MPRIP: variants seen among roughly 807,000 people sequenced by gnomAD.
The protein encoded by MPRIP is myosin phosphatase Rho-interacting protein.
Under a neutral mutation model 234.9 loss-of-function variants are expected in MPRIP, and 59 were observed. That is an observed-to-expected ratio of 0.25 (90% CI 0.20 to 0.31). The LOEUF is 0.31. Ranked by LOEUF, MPRIP falls within the 10% of genes least tolerant of loss-of-function variation. The pLI, the probability that MPRIP is intolerant of heterozygous loss-of-function variation, is 1.00. For synonymous variants in MPRIP, 1,144 were observed against 1,263.9 expected (o/e 0.91, Z 2.01); for missense variants, 2,436 against 3,071.0 (o/e 0.79, Z 4.89).
chr17:17,149,660 T>G (rs1323153746), intron 11 of MPRIP: 2 of 149,498 alleles, frequency 1.3e-5, no homozygotes, highest in Non-Finnish European at 3.0e-5. Flanking sequence ...TATTTTATTC[T>G]CAAATGAACA....
intron 3 of MPRIP, among the ~76,000 whole-genome samples, chr17:17,083,518 T>C (rs896869529): frequency 3.3e-5 from 5 of 152,196 alleles, no homozygotes; most frequent in Admixed American, 2.0e-4. Context: ...CAACGTTGCC[T>C]AGGCCTGTGA....
At chr17:17,155,231 G>A (rs760752194) in intron 13 of MPRIP, among the ~76,000 whole-genome samples, 8 of 151,910 alleles carry the variant, frequency 5.3e-5, no homozygotes, top group Non-Finnish European at 1.2e-4. Flanking sequence ...GGCTGTCCAT[G>A]GAAGCTTTGA....
intron 1 of MPRIP, among the ~76,000 whole-genome samples, chr17:17,046,581 G>A (rs1293655119): frequency 6.6e-6 from 1 of 152,070 alleles, no homozygotes; most frequent in Non-Finnish European, 1.5e-5. Flanking sequence ...ATGAAGTTGA[G>A]CCTTTTTTAT....
intron 1 of MPRIP, among the ~76,000 whole-genome samples, chr17:17,058,289 CA>C (rs1325557338): frequency 6.6e-6 from 1 of 152,002 alleles, no homozygotes; most frequent in South Asian, 2.1e-4. Flanking sequence ...TTCTAGGGGC[CA>C]GGGGGAGCAG....
At chr17:17,151,279 C>T (rs1229755390) in intron 12 of MPRIP, among the ~76,000 whole-genome samples, 1 of 152,140 alleles carries the variant, frequency 6.6e-6, no homozygotes, top group Non-Finnish European at 1.5e-5. Flanking sequence ...ACTGTCTTTA[C>T]AATGAGTTTT....
At chr17:17,110,864 G>C (rs1195813298) in intron 3 of MPRIP, among the ~76,000 whole-genome samples, 1 of 152,192 alleles carries the variant, frequency 6.6e-6, no homozygotes, top group Non-Finnish European at 1.5e-5. Flanking sequence ...AGCCTCAGGG[G>C]ACAGGACACT....
chr17:17,140,480 G>T (rs1325538342), intron 7 of MPRIP, among the ~76,000 whole-genome samples: 1 of 152,130 alleles, frequency 6.6e-6, no homozygotes, highest in Non-Finnish European at 1.5e-5. Context: ...TCTGAGGCCT[G>T]CTCACTGGAT....
At chr17:17,181,208 TAAAAC>T (rs1407112045) in intron 23 of MPRIP, among the ~76,000 whole-genome samples, 8 of 151,642 alleles carry the variant, frequency 5.3e-5, no homozygotes, top group Non-Finnish European at 7.4e-5. Flanking sequence ...TTTTTTTTAA[TAAAAC>T]AAAAGCTTCT....
At chr17:17,091,893 C>T (rs1222286780) in intron 3 of MPRIP, among the ~76,000 whole-genome samples, 2 of 152,208 alleles carry the variant, frequency 1.3e-5, no homozygotes, top group South Asian at 2.1e-4. Flanking sequence ...AAAACAGCCC[C>T]ACTCCAGTGG....
At chr17:17,112,676 G>T (rs1330711134) in intron 3 of MPRIP, among the ~76,000 whole-genome samples, 1 of 152,222 alleles carries the variant, frequency 6.6e-6, no homozygotes, top group East Asian at 1.9e-4. Context: ...CCCTTTAAGG[G>T]GAGCCCAGCT....
At position 17,166,379 on chromosome 17, in the gene MPRIP, G is replaced by A. The variant is rs1265320085; in HGVS notation, c.4788G>A (p.Glu1596=). The part of the protein sequence containing the change: ...TTSDVSRMLH[E]ISWSGQPPME... ...CAGATGTCTCCCGAATGCTCCATGAGATTTCTTGGTCAGGACAGCCACCGA... is the reference window on the plus strand; with the variant it reads ...CAGATGTCTCCCGAATGCTCCATGAAATTTCTTGGTCAGGACAGCCACCGA... Residue 1596 remains glutamate (E), a synonymous_variant, in exon 16 of 24, where the codon GAG becomes GAA. Coordinates refer to ENST00000651222, the MANE Select transcript of MPRIP (RefSeq NM_001364716.4). This position sits in a 1 kb window ranked among gnomAD's most constrained non-coding sequence, Gnocchi z 4.4. 7.7e-7 allele frequency: 1 copy of A among 1,304,520 alleles called. No homozygotes were observed. Among genetic ancestry groups the A allele is most frequent in the Admixed American group, 2.3e-5 (1 of 43,578 alleles). The allele number at this position is 1,304,520 out of a possible 1,614,324, so 80.8% of individuals were successfully genotyped here. A position where few individuals can be genotyped will look rare whatever the true frequency, so the allele number is the denominator to read the frequency against.
intron 1 of MPRIP, among the ~76,000 whole-genome samples, chr17:17,061,865 C>T (rs2088877235): frequency 6.6e-6 from 1 of 152,140 alleles, no homozygotes; most frequent in Non-Finnish European, 1.5e-5. Flanking sequence ...CTCCCGTGAA[C>T]ACTGCTTTGG....
intron 3 of MPRIP, among the ~76,000 whole-genome samples, chr17:17,099,904 A>G (rs563008895): frequency 6.6e-6 from 1 of 152,344 alleles, no homozygotes; most frequent in East Asian, 1.9e-4. Context: ...AAAATTATAC[A>G]TTTTGTGAAA....
chr17:17,165,025 T>A lies in MPRIP; in HGVS notation c.3434T>A (p.Leu1145Gln), dbSNP rs2045953606. The A allele has an allele frequency of 7.7e-7, 1 of 1,301,650 alleles. No homozygotes were observed. The highest frequency in any genetic ancestry group is 1.2e-5 in the South Asian group (1 of 81,030). The allele number at this position is 1,301,650 out of a possible 1,614,324, so 80.6% of individuals were successfully genotyped here. A position where few individuals can be genotyped will look rare whatever the true frequency, so the allele number is the denominator to read the frequency against. Residue 1145 changes from leucine to glutamine, a missense_variant, in exon 16 of 24, where the codon CTG becomes CAG. Leu to Gln is a moderately radical substitution (Grantham distance 113). Transcript: ENST00000651222. Reference sequence around the variant, plus strand: ...AGAAGAGAGGCTGACAACCAGAGCCTGGAGCACTCCTACCAGAGGGTCTCC... The same window carrying A: ...AGAAGAGAGGCTGACAACCAGAGCCAGGAGCACTCCTACCAGAGGGTCTCC... The part of the protein sequence containing the change: ...LRRREADNQS[L>Q]EHSYQRVSSQ...
Position 17,142,832 on chromosome 17 carries a change from G to A in MPRIP, c.1389+67G>A, listed in dbSNP as rs11870488. 10,625 of 1,550,870 alleles carry A rather than the reference G, an allele frequency of 6.9e-3. 240 individuals are homozygous for A. Among genetic ancestry groups the A allele is most frequent in the African/African-American group, 0.068 (5,038 of 74,082 alleles). On this transcript the variant is annotated intron_variant, in intron 8 of 23. Coordinates refer to ENST00000651222, the MANE Select transcript of MPRIP (RefSeq NM_001364716.4). ...GGGCGGGTCAGCATGCACCCCATGCGCCAAGTCCCCTCCACACAGGCCTGG... is the reference window on the plus strand; with the variant it reads ...GGGCGGGTCAGCATGCACCCCATGCACCAAGTCCCCTCCACACAGGCCTGG...
chr17:17,070,189 G>A (rs1003717837), intron 1 of MPRIP, among the ~76,000 whole-genome samples: 1 of 151,890 alleles, frequency 6.6e-6, no homozygotes, highest in African/African-American at 2.4e-5. Flanking sequence ...TTTTTTCTCT[G>A]GCTTTCTTTG....
At chr17:17,154,528 G>T in intron 13 of MPRIP, 113 bp downstream of exon 13, 1 of 788,292 alleles carries the variant, frequency 1.3e-6, no homozygotes. Flanking sequence ...GTGCATCCCA[G>T]TCTGCTGCTC....
chr17:17,167,715 C>T lies in MPRIP; in HGVS notation c.6124C>T (p.His2042Tyr). The change falls in exon 16 of 24, where the codon CAC (histidine) becomes TAC (tyrosine). Residue 2042 changes from histidine to tyrosine, a missense_variant. Coordinates refer to ENST00000651222, the MANE Select transcript of MPRIP (RefSeq NM_001364716.4). The surrounding 1 kb of genome is among the most constrained non-coding windows in gnomAD (Gnocchi z 5.9). ...QDTLCLHQGP[H>Y]PKALPAPAPN... ...CACCCTCTGCCTCCACCAGGGGCCA[C>T]ACCCCAAGGCCCTGCCAGCCCCTGC... 7.7e-7 allele frequency: 1 copy of T among 1,304,168 alleles called. No individual in the cohort carries two copies. Among genetic ancestry groups the T allele is most frequent in the Non-Finnish European group, 1.0e-6 (1 of 988,958 alleles). 80.8% of individuals were successfully genotyped at this position (1,304,168 alleles called of 1,614,324 possible).
intron 3 of MPRIP, among the ~76,000 whole-genome samples, chr17:17,092,552 C>A (rs1292979824): frequency 6.6e-6 from 1 of 152,178 alleles, no homozygotes; most frequent in Non-Finnish European, 1.5e-5. Context: ...AGGCTTCCCT[C>A]ATCCTTTTCT....
Sources: gnomAD v4.1 joint callset for allele counts (sites outside exome capture counted in the v4.1 genomes callset) on GRCh38, gnomAD v4.1.1 for gene constraint, Gnocchi (gnomAD v3.1) non-coding constraint, MANE v1.5 for transcripts, NCBI Gene and HGNC (gene_info 2026-07-23, HGNC 2026-07-21) for gene names.